The following DNAJC5B variants were observed in gnomAD, a reference collection of about 807,000 sequenced individuals.
DNAJC5B encodes dnaJ homolog subfamily C member 5B.
DNAJC5B carries 23 observed loss-of-function variants against 24.7 expected under a neutral mutation model. The observed-to-expected ratio is 0.93, with a 90% CI of 0.67 to 1.32. The LOEUF (loss-of-function observed/expected upper bound fraction) is 1.32. Among genes scored for constraint, DNAJC5B ranks in the 40% most tolerant of loss-of-function variants. The probability of loss-of-function intolerance (pLI) is 0.00; values close to 1 mark genes in which losing one functional copy is unlikely to be tolerated. For missense variants in DNAJC5B, 238 were observed against 240.8 expected (o/e 0.99, Z 0.08); for synonymous variants, 101 against 90.1 (o/e 1.12, Z -0.68).
chr8:66,060,240 G>A (rs1287299668), intron 3 of DNAJC5B, among the ~76,000 whole-genome samples: 1 of 152,168 alleles, frequency 6.6e-6, no homozygotes, highest in Non-Finnish European at 1.5e-5. Flanking sequence ...CCCTCCTCTT[G>A]TGTCAAGGTC....
intron 3 of DNAJC5B, among the ~76,000 whole-genome samples, chr8:66,073,266 A>G (rs1807388963): frequency 6.6e-6 from 1 of 152,220 alleles, no homozygotes; most frequent in African/African-American, 2.4e-5. Flanking sequence ...ATAATTAGGA[A>G]CATTTTTAAA....
At chr8:66,033,019 A>G (rs933792538) in intron 1 of DNAJC5B, among the ~76,000 whole-genome samples, 5 of 152,222 alleles carry the variant, frequency 3.3e-5, no homozygotes, top group African/African-American at 1.2e-4. Context: ...TTTGCAGAGG[A>G]GGAATCGGAG....
intron 2 of DNAJC5B, among the ~76,000 whole-genome samples, chr8:66,045,156 GC>G (rs2128958728): frequency 6.6e-6 from 1 of 152,326 alleles, no homozygotes; most frequent in East Asian, 1.9e-4. Flanking sequence ...GCACAAAGCA[GC>G]TTTCTGGTCT....
chr8:66,042,512 A>C (rs189336660), intron 1 of DNAJC5B, among the ~76,000 whole-genome samples: 1 of 152,344 alleles, frequency 6.6e-6, no homozygotes, highest in Admixed American at 6.5e-5. Flanking sequence ...TTTTTATTTC[A>C]TCAAAGGACA....
chr8:66,083,003 CTTTTTTTTTTT>C (rs765749597), intron 5 of DNAJC5B, among the ~76,000 whole-genome samples: 3 of 86,720 alleles, frequency 3.5e-5, no homozygotes, highest in East Asian at 2.9e-4. Context: ...CTTTTCTTTT[CTTTTTTTTTTT>C]TTTTTTTTTT....
chr8:66,023,039 T>C (rs1806173598), intron 1 of DNAJC5B, among the ~76,000 whole-genome samples: 1 of 152,222 alleles, frequency 6.6e-6, no homozygotes, highest in Admixed American at 6.5e-5. Context: ...AGTCACATGC[T>C]GCTGCAGCCT....
chr8:66,100,110 G>T lies in DNAJC5B; in HGVS notation c.*79G>T, dbSNP rs892056459. 7 of 1,205,362 alleles carry T rather than the reference G, an allele frequency of 5.8e-6. No individual in the cohort carries two copies. Among genetic ancestry groups the T allele is most frequent in the Non-Finnish European group, 7.0e-6 (6 of 861,630 alleles). The allele number at this position is 1,205,362 out of a possible 1,614,324, so 74.7% of individuals were successfully genotyped here. ...AGATGGTCGTAGGGGAGCGTGTGGG[G>T]CATAAAGTGCTGTGAACTTTTCCAT... is the stretch of plus-strand genomic sequence containing the variant. On this transcript the variant is annotated 3_prime_UTR_variant, in exon 6 of 6. Transcript: ENST00000276570.
At chr8:66,039,691 G>A (rs1261710109) in intron 1 of DNAJC5B, among the ~76,000 whole-genome samples, 1 of 152,140 alleles carries the variant, frequency 6.6e-6, no homozygotes, top group Non-Finnish European at 1.5e-5. Flanking sequence ...AATCTAGTCA[G>A]TGTTAGCTAC....
At chr8:66,081,409 C>A (rs1039614202) in intron 5 of DNAJC5B, among the ~76,000 whole-genome samples, 1 of 152,116 alleles carries the variant, frequency 6.6e-6, no homozygotes, top group South Asian at 2.1e-4. Context: ...ACTGAATCCC[C>A]AAAAAACCTA....
At chr8:66,075,221 C>T (rs1807435045) in intron 3 of DNAJC5B, among the ~76,000 whole-genome samples, 1 of 152,066 alleles carries the variant, frequency 6.6e-6, no homozygotes, top group South Asian at 2.1e-4. Flanking sequence ...TATGTGCCAC[C>T]ACACCTGGCT....
At position 66,085,013 on chromosome 8, in the gene DNAJC5B, C is replaced by CT. The variant is rs987915150; in HGVS notation, c.505+4475dup. On this transcript the variant is annotated intron_variant, in intron 5 of 5. Transcript: ENST00000276570. ...AAGGTGTGAGGTTTAGGTTCAGACT[C>CT]TTTTTTTTTTCTTCTTGAATATGGA... is the stretch of plus-strand genomic sequence containing the variant. Among the ~76,000 whole-genome samples the CT allele has an allele frequency of 5.1e-3, 762 of 149,732 alleles. 5 individuals carry two copies. The highest frequency in any genetic ancestry group is 0.018 in the African/African-American group (724 of 40,882).
Position 66,045,226 on chromosome 8 carries a change from C to T in DNAJC5B, c.-18+1615C>T, listed in dbSNP as rs139555543. On this transcript the variant is annotated intron_variant, in intron 2 of 5. Coordinates refer to ENST00000276570, the MANE Select transcript of DNAJC5B (RefSeq NM_033105.6). The stretch of plus-strand genomic sequence containing the variant: ...GCCAACTACTTCCCACATTGACCAA[C>T]TATCTTTTGCTTGCATTTTAACATG... Among the ~76,000 whole-genome samples the T allele has an allele frequency of 2.9e-3, 448 of 152,304 alleles. 2 individuals carry two copies. Among genetic ancestry groups the T allele is most frequent in the African/African-American group, 1.0e-2 (415 of 41,570 alleles).
intron 2 of DNAJC5B, among the ~76,000 whole-genome samples, chr8:66,044,151 G>T (rs1806676196): frequency 6.6e-6 from 1 of 152,132 alleles, no homozygotes; most frequent in Non-Finnish European, 1.5e-5. Context: ...AAGTAATCCT[G>T]CTAGGGAGAA....
intron 2 of DNAJC5B, among the ~76,000 whole-genome samples, chr8:66,047,856 TG>T (rs1563593354): frequency 6.6e-6 from 1 of 152,222 alleles, no homozygotes; most frequent in African/African-American, 2.4e-5. Flanking sequence ...CCACTGGCTG[TG>T]GGAGTAAATG....
chr8:66,086,856 C>T (rs943954262), intron 5 of DNAJC5B, among the ~76,000 whole-genome samples: 3 of 152,054 alleles, frequency 2.0e-5, no homozygotes, highest in Non-Finnish European at 4.4e-5. Context: ...TATTATTCTC[C>T]CCATCTTTTA....
intron 1 of DNAJC5B, among the ~76,000 whole-genome samples, chr8:66,028,870 T>C (rs552237089): frequency 6.6e-6 from 1 of 152,322 alleles, no homozygotes; most frequent in East Asian, 1.9e-4. Flanking sequence ...CCGTTGTTTA[T>C]AAAACGAGGA....
chr8:66,051,610 C>A lies in DNAJC5B; in HGVS notation c.63C>A (p.Tyr21Ter). The stretch of plus-strand genomic sequence containing the variant: ...TGTCAACAACAGGAGAAGCTCTATA[C>A]GAAATTCTTGGTCTGCATAAGGGAG... ...RTLSTTGEALYEILGLHKGAS... is the reference protein window; with the variant it reads ...RTLSTTGEAL The change falls in exon 3 of 6, where the codon TAC becomes TAA. Residue 21 changes from tyrosine (Y) to a stop codon, truncating the protein, a stop_gained. Coordinates refer to ENST00000276570, the MANE Select transcript of DNAJC5B (RefSeq NM_033105.6). LOFTEE classifies it high-confidence loss of function. 6.2e-7 allele frequency: 1 copy of A among 1,614,054 alleles called. No homozygotes were observed. Among genetic ancestry groups the A allele is most frequent in the Admixed American group, 1.7e-5 (1 of 60,016 alleles).
intron 2 of DNAJC5B, among the ~76,000 whole-genome samples, chr8:66,049,740 C>A (rs1806805901): frequency 6.6e-6 from 1 of 152,184 alleles, no homozygotes; most frequent in Admixed American, 6.5e-5. Context: ...ACCTGTATAT[C>A]TCTTTCCTGG....
chr8:66,099,500 A>G (rs979687305), intron 5 of DNAJC5B, among the ~76,000 whole-genome samples: 2 of 152,190 alleles, frequency 1.3e-5, no homozygotes, highest in Non-Finnish European at 2.9e-5. Flanking sequence ...CAGTCATCCA[A>G]TTGTACACTA....
Sources: gnomAD v4.1 joint callset for allele counts (sites outside exome capture counted in the v4.1 genomes callset) on GRCh38, gnomAD v4.1.1 for gene constraint, MANE v1.5 for transcripts, NCBI Gene and HGNC (gene_info 2026-07-23, HGNC 2026-07-21) for gene names.